CDH2: variants seen among roughly 807,000 people sequenced by gnomAD.
CDH2 encodes cadherin 2, also known as cadherin-2.
In CDH2, 17 loss-of-function variants were observed where a neutral mutation model predicts 92.0. The ratio of observed to expected loss-of-function variants is 0.18; its 90% CI spans 0.13 to 0.28. The LOEUF is 0.28. Ranked by LOEUF, CDH2 falls within the 10% of genes least tolerant of loss-of-function variation. The probability of loss-of-function intolerance (pLI) is 1.00; values close to 1 mark genes in which losing one functional copy is unlikely to be tolerated. For synonymous variants in CDH2, 419 were observed against 415.9 expected, an observed-to-expected ratio of 1.01 and a Z score of -0.09; for missense variants, 862 against 1,133.1, an observed-to-expected ratio of 0.76 and a Z score of 3.44.
chr18:28,158,037 C>T (rs1043253407), intron 1 of CDH2, among the ~76,000 whole-genome samples: 5 of 152,226 alleles, frequency 3.3e-5, no homozygotes, highest in African/African-American at 9.6e-5. Context: ...CAATTAGGCC[C>T]ATTTCATAAA....
intron 2 of CDH2, among the ~76,000 whole-genome samples, chr18:28,133,153 G>C (rs540645049): frequency 2.6e-5 from 4 of 152,082 alleles, no homozygotes; most frequent in Admixed American, 6.5e-5. Flanking sequence ...AAAAGAACAC[G>C]AGAGGAAATC....
In CDH2 at chr18:28,176,827, C is replaced by T. The variant is rs554754948; in HGVS notation, c.60+136G>A. ...GATGCCTGCGCAGCTACCGGCCGCGCGGCGCGGCGCGGCGCGGCGTGGCAC... is the reference window on the plus strand; with the variant it reads ...GATGCCTGCGCAGCTACCGGCCGCGTGGCGCGGCGCGGCGCGGCGTGGCAC... On this transcript the variant is annotated intron_variant, in intron 1 of 15. Transcript: ENST00000269141. The T allele has an allele frequency of 6.2e-4, 177 of 287,640 alleles. 1 individual carries two copies. The highest frequency in any genetic ancestry group is 3.8e-3 in the African/African-American group (164 of 43,344). 17.8% of individuals were successfully genotyped at this position (287,640 alleles called of 1,614,324 possible).
At chr18:28,013,591 C>T (rs1000905495) in intron 3 of CDH2, 92 bp downstream of exon 3, 1 of 845,266 alleles carries the variant, frequency 1.2e-6, no homozygotes, top group African/African-American at 1.7e-5. Context: ...AGTGGCCATC[C>T]ATTAATGTGG....
At chr18:28,166,164 A>ATATATATATATATATATG (rs1243621340) in intron 1 of CDH2, among the ~76,000 whole-genome samples, 5 of 138,534 alleles carry the variant, frequency 3.6e-5, no homozygotes, top group Admixed American at 1.4e-4. Flanking sequence ...ATATATATAT[A>ATATATATATATATATATG]TATATATATG....
intron 2 of CDH2, among the ~76,000 whole-genome samples, chr18:28,054,336 T>C (rs574384905): frequency 6.6e-6 from 1 of 152,108 alleles, no homozygotes; most frequent in Non-Finnish European, 1.5e-5. Context: ...CTAGATAAAA[T>C]TGTTCACTTG....
At chr18:27,995,651 T>C (rs962761177) in intron 7 of CDH2, among the ~76,000 whole-genome samples, 5 of 152,226 alleles carry the variant, frequency 3.3e-5, no homozygotes, top group Non-Finnish European at 7.3e-5. Flanking sequence ...ATCTTTAGAA[T>C]TATGTAAGCA....
chr18:27,955,853 T>A (rs775402441), intron 15 of CDH2, among the ~76,000 whole-genome samples: 2 of 149,844 alleles, frequency 1.3e-5, no homozygotes, highest in Non-Finnish European at 3.0e-5. Context: ...CATTGCCTTA[T>A]GTTTTAATAA....
At chr18:27,977,642 G>C (rs1422896387) in intron 14 of CDH2, among the ~76,000 whole-genome samples, 1 of 152,068 alleles carries the variant, frequency 6.6e-6, no homozygotes, top group East Asian at 1.9e-4. Context: ...CTGCCTTGCT[G>C]TAAACACAGT....
At chr18:27,953,484 T>TTA (rs1407246738) in intron 15 of CDH2, among the ~76,000 whole-genome samples, 2 of 152,188 alleles carry the variant, frequency 1.3e-5, no homozygotes, top group Non-Finnish European at 2.9e-5. Context: ...GCTAGTTGGC[T>TTA]TATATGGCCT....
At chr18:28,107,455 A>G (rs866229931) in intron 2 of CDH2, among the ~76,000 whole-genome samples, 10 of 152,298 alleles carry the variant, frequency 6.6e-5, no homozygotes, top group South Asian at 2.1e-4. Flanking sequence ...ACCTGAGGAC[A>G]CTTAAAATGA....
At chr18:28,016,090 C>T (rs17468226) in intron 2 of CDH2, among the ~76,000 whole-genome samples, 6,652 of 152,272 alleles carry the variant, frequency 0.044, 168 homozygotes, top group South Asian at 0.07. Flanking sequence ...CACAAGATTT[C>T]GGCCTATGCC....
rs1340647299 is a variant in CDH2 at position 28,009,749 on chromosome 18, G to T, written c.670C>A (p.Pro224Thr). ...PISGQLSVTKPLDREQIARFH... is the reference protein window; with the variant it reads ...PISGQLSVTKTLDREQIARFH... ...CGGGCTATCTGCTCGCGATCCAGGGGCTTTGTCACCGACAGCTGACCCGAG... is the reference window on the plus strand; with the variant it reads ...CGGGCTATCTGCTCGCGATCCAGGGTCTTTGTCACCGACAGCTGACCCGAG... Residue 224 changes from proline to threonine, a missense_variant, in exon 5 of 16, where the codon CCC becomes ACC. This residue lies in a region of CDH2 where 564 missense variants were observed against 722.2 expected (regional missense o/e 0.78). Coordinates refer to ENST00000269141, the MANE Select transcript of CDH2 (RefSeq NM_001792.5). 2 of 1,613,792 alleles carry T rather than the reference G, an allele frequency of 1.2e-6. No homozygotes were observed. Among genetic ancestry groups the T allele is most frequent in the East Asian group, 2.2e-5 (1 of 44,876 alleles).
intron 2 of CDH2, among the ~76,000 whole-genome samples, chr18:28,017,895 G>C (rs1273502067): frequency 6.6e-6 from 1 of 152,044 alleles, no homozygotes; most frequent in Non-Finnish European, 1.5e-5. Flanking sequence ...ATTCAACACA[G>C]TACTGGAAGT....
intron 5 of CDH2, 92 bp downstream of exon 5, chr18:28,009,625 G>T: frequency 9.6e-7 from 1 of 1,044,776 alleles, no homozygotes; most frequent in Non-Finnish European, 1.4e-6. Flanking sequence ...TCTCAGTATT[G>T]AGGCTTTCAG....
At chr18:27,986,826 A>G (rs2012250457) in intron 11 of CDH2, among the ~76,000 whole-genome samples, 1 of 152,236 alleles carries the variant, frequency 6.6e-6, no homozygotes, top group Admixed American at 6.5e-5. Context: ...ATGATACTCA[A>G]CAGTTTGAGG....
At chr18:28,113,095 G>A (rs1356980939) in intron 2 of CDH2, among the ~76,000 whole-genome samples, 1 of 152,140 alleles carries the variant, frequency 6.6e-6, no homozygotes, top group African/African-American at 2.4e-5. Flanking sequence ...AACACTGAAT[G>A]TGGATACTAT....
chr18:28,137,044 T>G (rs1192874748), intron 2 of CDH2, among the ~76,000 whole-genome samples: 1 of 152,076 alleles, frequency 6.6e-6, no homozygotes, highest in Non-Finnish European at 1.5e-5. Flanking sequence ...GAAAAAAAAG[T>G]TGAACTGGAA....
At chr18:28,137,536 T>A (rs1050643236) in intron 2 of CDH2, among the ~76,000 whole-genome samples, 1 of 151,892 alleles carries the variant, frequency 6.6e-6, no homozygotes, top group Non-Finnish European at 1.5e-5. Flanking sequence ...TTTAGACTCT[T>A]GCAGAGACAC....
At chr18:28,024,804 T>A (rs1490382603) in intron 2 of CDH2, among the ~76,000 whole-genome samples, 1 of 151,830 alleles carries the variant, frequency 6.6e-6, no homozygotes, top group African/African-American at 2.4e-5. Context: ...ATTATTGATT[T>A]CCATCAATAA....
Sources: allele counts gnomAD v4.1 joint callset (sites outside exome capture counted in the v4.1 genomes callset), GRCh38; gene constraint gnomAD v4.1.1; regional missense constraint gnomAD v4.1.1; transcripts MANE v1.5; gene names NCBI Gene and HGNC (gene_info 2026-07-23, HGNC 2026-07-21).